The following RNF213 variants were observed in gnomAD, a reference collection of about 807,000 sequenced individuals.
RNF213 encodes the protein ring finger protein 213.
In RNF213, 341 loss-of-function variants were observed where a neutral mutation model predicts 514.4. That is an observed-to-expected ratio of 0.66 (90% CI 0.61 to 0.73). The LOEUF is 0.73. RNF213 is among the 30% of genes least tolerant of loss of function. RNF213 has a pLI of 0.00. For missense variants in RNF213, 5,767 were observed against 6,615.6 expected (o/e 0.87, Z 4.45); for synonymous variants, 2,655 against 2,658.2 (o/e 1.00, Z 0.04).
At chr17:80,365,632 CTG>C (rs1030916153) in intron 42 of RNF213, among the ~76,000 whole-genome samples, 12 of 152,032 alleles carry the variant, frequency 7.9e-5, no homozygotes, top group African/African-American at 2.9e-4. Flanking sequence ...TTGCAAGAAA[CTG>C]AGGAGTTTTT....
intron 8 of RNF213, 71 bp from the exon 9 acceptor site, chr17:80,294,649 C>T (rs550637506): frequency 6.4e-7 from 1 of 1,563,898 alleles, no homozygotes; most frequent in South Asian, 1.1e-5. Flanking sequence ...GATCAGCCTT[C>T]TAGGCTAGTG....
chr17:80,329,401 C>T (rs1468333220), intron 20 of RNF213, among the ~76,000 whole-genome samples: 1 of 152,250 alleles, frequency 6.6e-6, no homozygotes, highest in African/African-American at 2.4e-5. Context: ...CACAGTGTGG[C>T]TATGTATGGA....
At chr17:80,326,009 A>G (rs2046271676) in intron 18 of RNF213, among the ~76,000 whole-genome samples, 1 of 151,856 alleles carries the variant, frequency 6.6e-6, no homozygotes, top group East Asian at 1.9e-4. Flanking sequence ...CCCAGGCTGG[A>G]GTGCAGTGCT....
Position 80,286,371 on chromosome 17 carries a change from G to C in RNF213, c.262-1444G>C, listed in dbSNP as rs560249299. On this transcript the variant is annotated intron_variant, in intron 3 of 67. Coordinates refer to ENST00000582970, the MANE Select transcript of RNF213 (RefSeq NM_001256071.3). ...AAAGGAGGAGAAAATCGGAATTTCT[G>C]GCCCTGGTTCTGGCAGGAAGTGTGG... Among the ~76,000 whole-genome samples the C allele has an allele frequency of 8.8e-4, 134 of 152,266 alleles. 1 individual carries two copies. Among genetic ancestry groups the C allele is most frequent in the Non-Finnish European group, 1.1e-3 (78 of 68,020 alleles).
At chr17:80,334,363 C>T in intron 22 of RNF213, 93 bp downstream of exon 22, 1 of 1,365,064 alleles carries the variant, frequency 7.3e-7, no homozygotes, top group Non-Finnish European at 9.7e-7. Flanking sequence ...CAATACCTCC[C>T]CTTGGCCAAG....
At chr17:80,338,280 A>T (rs1269570698) in intron 25 of RNF213, among the ~76,000 whole-genome samples, 2 of 152,170 alleles carry the variant, frequency 1.3e-5, no homozygotes, top group Non-Finnish European at 2.9e-5. Context: ...CACCGCACTG[A>T]GAAGGAGGTT....
intron 12 of RNF213, 95 bp from the exon 13 acceptor site, chr17:80,307,033 T>C (rs899852446): frequency 7.6e-6 from 9 of 1,180,606 alleles, no homozygotes; most frequent in Non-Finnish European, 1.1e-5. Flanking sequence ...ATGTATACCA[T>C]ATTGATGTTG....
chr17:80,372,792 C>T, intron 48 of RNF213, 58 bp downstream of exon 48: 1 of 1,550,928 alleles, frequency 6.4e-7, no homozygotes, highest in Non-Finnish European at 8.8e-7. Context: ...TTTAGAAATT[C>T]AGGAAGTATG....
At position 80,353,980 on chromosome 17, in the gene RNF213, A is replaced by G. The variant is rs749374273; in HGVS notation, c.10579-39A>G. 1.1e-5 allele frequency: 17 copies of G among 1,612,924 alleles called. No homozygotes were observed. The highest frequency in any genetic ancestry group is 1.4e-5 in the Non-Finnish European group (17 of 1,179,814). On this transcript the variant is annotated intron_variant, in intron 34 of 67. Transcript: ENST00000582970. The surrounding 1 kb of genome is among the most constrained non-coding windows in gnomAD (Gnocchi z 5.0). ...CGGTTTGGCTTTTGCCCACTGTGTC[A>G]GTGGCAGAAACGGATGACCCAACCG...
intron 3 of RNF213, among the ~76,000 whole-genome samples, chr17:80,287,162 C>A (rs899711768): frequency 7.4e-6 from 1 of 134,888 alleles, no homozygotes; most frequent in African/African-American, 3.0e-5. Flanking sequence ...GTGTTGGAGA[C>A]CAGCCTGAGC....
chr17:80,323,932 A>G (rs2046212926), intron 17 of RNF213, among the ~76,000 whole-genome samples: 1 of 151,734 alleles, frequency 6.6e-6, no homozygotes, highest in Non-Finnish European at 1.5e-5. Flanking sequence ...TGCGTCTTGT[A>G]TCCTGCAACA....
chr17:80,374,548 GTCC>G lies in RNF213; in HGVS notation c.13036_13038del (p.Leu4346del). 6.2e-7 allele frequency: 1 copy of G among 1,614,250 alleles called. No individual in the cohort carries two copies. Among genetic ancestry groups the G allele is most frequent in the Non-Finnish European group, 8.5e-7 (1 of 1,180,050 alleles). The stretch of plus-strand genomic sequence containing the variant: ...TCTCCGTGATGCTGTGGCCAAAGCT[GTCC>G]TCGAGTGCAAGCCACTGGGCATTAA... On this transcript the variant is annotated inframe_deletion, in exon 50 of 68. Coordinates refer to ENST00000582970, the MANE Select transcript of RNF213 (RefSeq NM_001256071.3).
At position 80,353,251 on chromosome 17, in the gene RNF213, A is replaced by G. The variant is rs2078597944; in HGVS notation, c.10423+192A>G. 1 of 839,376 alleles carries G rather than the reference A, an allele frequency of 1.2e-6. No individual in the cohort carries two copies. The highest frequency in any genetic ancestry group is 1.9e-6 in the Non-Finnish European group (1 of 526,622). 52.0% of individuals were successfully genotyped at this position (839,376 alleles called of 1,614,324 possible). ...CCAGGGCCGAGCAGGTGCGCTTACC[A>G]CAGGCTGAGGTAGAGCTCTGTGAGC... On this transcript the variant is annotated intron_variant, in intron 33 of 67. Coordinates refer to ENST00000582970, the MANE Select transcript of RNF213 (RefSeq NM_001256071.3). This position sits in a 1 kb window ranked among gnomAD's most constrained non-coding sequence, Gnocchi z 5.0.
chr17:80,264,533 T>C lies in RNF213; in HGVS notation c.97+755T>C, dbSNP rs2043540467. ...AGCCCCCAGACCTTCAGCCTTTCTG[T>C]GTCCAAAGCCCAGCCCCACCTCCAC... On this transcript the variant is annotated intron_variant, in intron 2 of 67. Coordinates refer to ENST00000582970, the MANE Select transcript of RNF213 (RefSeq NM_001256071.3). This position sits in a 1 kb window ranked among gnomAD's most constrained non-coding sequence, Gnocchi z 5.0. Among the ~76,000 whole-genome samples, 7 of 152,060 alleles carry C rather than the reference T, an allele frequency of 4.6e-5. 1 individual carries two copies. The South Asian group carries it at 1.5e-3, about 32-fold the overall frequency.
intron 18 of RNF213, among the ~76,000 whole-genome samples, chr17:80,327,477 T>C (rs2046309068): frequency 7.6e-6 from 1 of 131,346 alleles, no homozygotes; most frequent in Admixed American, 7.8e-5. Flanking sequence ...AGAGACCCTG[T>C]CAAAAAAAAA....
chr17:80,338,120 CT>C, intron 25 of RNF213, 123 bp downstream of exon 25: 1 of 1,224,036 alleles, frequency 8.2e-7, no homozygotes, highest in Non-Finnish European at 1.1e-6. Context: ...GGGCTCTGCT[CT>C]TAGGCCCATG....
chr17:80,389,020 AC>A (rs1164269021), intron 64 of RNF213, 152 bp from the exon 65 acceptor site: 1 of 705,992 alleles, frequency 1.4e-6, no homozygotes, highest in African/African-American at 1.8e-5. Context: ...GCCTCCAGGA[AC>A]TGCCTGCACA....
At chr17:80,274,009 A>G (rs931980681) in intron 3 of RNF213, among the ~76,000 whole-genome samples, 1 of 151,992 alleles carries the variant, frequency 6.6e-6, no homozygotes, top group Admixed American at 6.6e-5. Flanking sequence ...TGCCGTGTGT[A>G]TCTGTGTCCC....
chr17:80,336,465 A>T (rs2077990380), intron 23 of RNF213, 87 bp downstream of exon 23: 1 of 1,171,762 alleles, frequency 8.5e-7, no homozygotes, highest in Non-Finnish European at 1.2e-6. Flanking sequence ...AAATGGTGGC[A>T]CACCTGTGTG....
Sources: gnomAD v4.1 joint callset for allele counts (sites outside exome capture counted in the v4.1 genomes callset) on GRCh38, gnomAD v4.1.1 for gene constraint, Gnocchi (gnomAD v3.1) non-coding constraint, MANE v1.5 for transcripts, NCBI Gene and HGNC (gene_info 2026-07-23, HGNC 2026-07-21) for gene names.